FGF14: variants seen among roughly 807,000 people sequenced by gnomAD.
The protein encoded by FGF14 is fibroblast growth factor 14, also known as fibroblast growth factor homologous factor 4.
A neutral mutation model predicts 25.5 loss-of-function variants in FGF14; 5 were observed. That is an observed-to-expected ratio of 0.20 (90% CI 0.10 to 0.41). The LOEUF is 0.41. FGF14 is among the 10% of genes least tolerant of loss of function. The pLI, the probability that FGF14 is intolerant of heterozygous loss-of-function variation, is 1.00. For missense variants in FGF14, 222 were observed against 320.1 expected (o/e 0.69, Z 2.34); for synonymous variants, 138 against 118.3 (o/e 1.17, Z -1.08).
chr13:102,039,468 A>G (rs2041629049), intron 1 of FGF14, among the ~76,000 whole-genome samples: 1 of 152,132 alleles, frequency 6.6e-6, no homozygotes, highest in South Asian at 2.1e-4. Context: ...GGTTGGTCCT[A>G]CAGCCTCTGA....
At chr13:102,139,062 A>C (rs1420979970) in intron 1 of FGF14, among the ~76,000 whole-genome samples, 1 of 152,222 alleles carries the variant, frequency 6.6e-6, no homozygotes, top group Admixed American at 6.5e-5. Context: ...CCATGTAAAC[A>C]ATGTATTCCA....
chr13:102,043,750 G>A (rs1051932926), intron 1 of FGF14, among the ~76,000 whole-genome samples: 2 of 152,116 alleles, frequency 1.3e-5, no homozygotes, highest in Non-Finnish European at 2.9e-5. Flanking sequence ...CCTTCCCACG[G>A]TTCCAGCATT....
chr13:101,863,466 A>T (rs1212476110), intron 3 of FGF14, among the ~76,000 whole-genome samples: 1 of 152,188 alleles, frequency 6.6e-6, no homozygotes, highest in African/African-American at 2.4e-5. Flanking sequence ...AAACAAATAA[A>T]CATAAAACCT....
At chr13:101,987,370 C>A (rs1490930447) in intron 1 of FGF14, among the ~76,000 whole-genome samples, 2 of 152,006 alleles carry the variant, frequency 1.3e-5, no homozygotes, top group African/African-American at 4.8e-5. Context: ...CCAGAACTCT[C>A]CATTTGCCAT....
intron 1 of FGF14, among the ~76,000 whole-genome samples, chr13:102,318,969 G>A (rs1420725231): frequency 2.6e-5 from 4 of 152,152 alleles, no homozygotes; most frequent in African/African-American, 9.7e-5. Flanking sequence ...AACTTGGGGT[G>A]TCGTGATTTT....
intron 1 of FGF14, among the ~76,000 whole-genome samples, chr13:102,313,991 G>C (rs529029294): frequency 6.6e-6 from 1 of 152,280 alleles, no homozygotes; most frequent in East Asian, 1.9e-4. Flanking sequence ...GCTGAGGCCG[G>C]AGAACACAGC....
chr13:102,161,710 A>G (rs918278226), intron 1 of FGF14, among the ~76,000 whole-genome samples: 18 of 149,400 alleles, frequency 1.2e-4, no homozygotes, highest in South Asian at 2.1e-4. Context: ...GAAGAAGAAG[A>G]AGAAGAAGAA....
intron 2 of FGF14, among the ~76,000 whole-genome samples, chr13:101,871,796 T>A (rs1361868616): frequency 2.0e-5 from 3 of 152,058 alleles, no homozygotes; most frequent in Non-Finnish European, 2.9e-5. Context: ...AGGTGCTCAC[T>A]TCCTTTTGTG....
chr13:102,373,553 T>C (rs1383497442), intron 1 of FGF14: 1 of 152,140 alleles, frequency 6.6e-6, no homozygotes, highest in Non-Finnish European at 1.5e-5. Flanking sequence ...TGATCAGCCT[T>C]TTGGAAGTCA....
At chr13:101,870,724 C>T (rs1351290834) in intron 2 of FGF14, among the ~76,000 whole-genome samples, 1 of 152,104 alleles carries the variant, frequency 6.6e-6, no homozygotes, top group Non-Finnish European at 1.5e-5. Context: ...GAAGCCGAGG[C>T]GGGTGGATCA....
intron 1 of FGF14, among the ~76,000 whole-genome samples, chr13:102,024,593 A>G (rs748921524): frequency 5.3e-5 from 8 of 152,044 alleles, no homozygotes; most frequent in Admixed American, 1.3e-4. Context: ...CTCCTTTGGA[A>G]CATAAGTATT....
intron 1 of FGF14, among the ~76,000 whole-genome samples, chr13:101,992,186 A>G (rs145075021): frequency 7.2e-5 from 11 of 152,266 alleles, no homozygotes; most frequent in African/African-American, 2.4e-4. Context: ...TTATAGCTGA[A>G]AGAACTACAA....
chr13:102,042,692 A>T (rs1261193094), intron 1 of FGF14, among the ~76,000 whole-genome samples: 1 of 152,204 alleles, frequency 6.6e-6, no homozygotes, highest in East Asian at 1.9e-4. Context: ...GTTAAATGGA[A>T]CATAATCTCT....
chr13:101,948,620 A>T, intron 1 of FGF14, among the ~76,000 whole-genome samples: 1 of 152,058 alleles, frequency 6.6e-6, no homozygotes, highest in Non-Finnish European at 1.5e-5. Context: ...GGTTCCCAAC[A>T]CATAAGCTTC....
intron 1 of FGF14, among the ~76,000 whole-genome samples, chr13:101,988,180 A>G (rs1380427611): frequency 3.9e-5 from 6 of 151,986 alleles, no homozygotes; most frequent in Admixed American, 3.3e-4. Context: ...ACAAATGGTG[A>G]TCAAATCCGC....
intron 1 of FGF14, among the ~76,000 whole-genome samples, chr13:102,028,911 C>T (rs994138464): frequency 6.6e-6 from 1 of 152,034 alleles, no homozygotes; most frequent in Non-Finnish European, 1.5e-5. Flanking sequence ...AGTCTACCTG[C>T]CTTGCTATCC....
intron 1 of FGF14, among the ~76,000 whole-genome samples, chr13:101,905,360 T>C (rs1345932984): frequency 6.6e-6 from 1 of 152,202 alleles, no homozygotes; most frequent in Non-Finnish European, 1.5e-5. Flanking sequence ...CGCCATGGGA[T>C]ACTATGCAGA....
intron 1 of FGF14, among the ~76,000 whole-genome samples, chr13:102,357,687 A>G (rs907770041): frequency 6.6e-6 from 1 of 152,198 alleles, no homozygotes; most frequent in Non-Finnish European, 1.5e-5. Flanking sequence ...GTTAGTATAG[A>G]TGAAGTGTTT....
intron 1 of FGF14, among the ~76,000 whole-genome samples, chr13:102,177,389 A>G (rs558959930): frequency 6.6e-6 from 1 of 152,190 alleles, no homozygotes; most frequent in South Asian, 2.1e-4. Flanking sequence ...TGTCCTTTAA[A>G]CTGTGTGCTG....
Sources: allele counts gnomAD v4.1 joint callset (sites outside exome capture counted in the v4.1 genomes callset), GRCh38; gene constraint gnomAD v4.1.1; transcripts MANE v1.5; gene names NCBI Gene and HGNC (gene_info 2026-07-23, HGNC 2026-07-21).